The following RBPJ variants were observed in gnomAD, a reference collection of about 807,000 sequenced individuals.
The protein encoded by RBPJ is recombining binding protein suppressor of hairless.
A neutral mutation model predicts 67.8 loss-of-function variants in RBPJ; 9 were observed. The ratio of observed to expected loss-of-function variants is 0.13; its 90% CI spans 0.08 to 0.23. The LOEUF (loss-of-function observed/expected upper bound fraction) is 0.23, where lower values mean the gene tolerates loss of function less well. RBPJ is among the 10% of genes least tolerant of loss of function. RBPJ has a pLI of 1.00. For missense variants in RBPJ, 305 were observed against 595.6 expected (o/e 0.51, Z 5.08); for synonymous variants, 198 against 203.3 (o/e 0.97, Z 0.22).
intron 1 of RBPJ, among the ~76,000 whole-genome samples, chr4:26,341,650 AAAACAAAACC>A (rs1725549251): frequency 6.6e-6 from 1 of 152,032 alleles, no homozygotes. Flanking sequence ...AAACCAAACG[AAAACAAAACC>A]AAACAAAACT....
intron 1 of RBPJ, among the ~76,000 whole-genome samples, chr4:26,189,845 A>T (rs1313529538): frequency 1.3e-5 from 2 of 152,242 alleles, no homozygotes; most frequent in African/African-American, 4.8e-5. Context: ...ATCATTAATT[A>T]GCCTGTAGGG....
intron 1 of RBPJ, among the ~76,000 whole-genome samples, chr4:26,232,088 G>A (rs549453537): frequency 6.6e-6 from 1 of 151,468 alleles, no homozygotes; most frequent in African/African-American, 2.4e-5. Flanking sequence ...TAGAGACGGG[G>A]TTTCACCATG....
chr4:26,234,512 G>A (rs1448531400), intron 1 of RBPJ, among the ~76,000 whole-genome samples: 2 of 152,066 alleles, frequency 1.3e-5, no homozygotes, highest in African/African-American at 4.8e-5. Flanking sequence ...TTCTTACCTT[G>A]TTCAAGTCTT....
At chr4:26,351,432 G>A (rs1461215795) in intron 1 of RBPJ, among the ~76,000 whole-genome samples, 1 of 152,100 alleles carries the variant, frequency 6.6e-6, no homozygotes, top group Admixed American at 6.5e-5. Flanking sequence ...ACTGGGTCTT[G>A]CCCTGTCGCC....
intron 1 of RBPJ, among the ~76,000 whole-genome samples, chr4:26,216,892 TC>T (rs1269060569): frequency 1.3e-5 from 2 of 152,098 alleles, no homozygotes; most frequent in East Asian, 3.9e-4. Context: ...ACCACTGCAC[TC>T]CAGCCTGGGC....
intron 1 of RBPJ, among the ~76,000 whole-genome samples, chr4:26,163,841 A>T (rs537286823): frequency 6.6e-6 from 1 of 152,386 alleles, no homozygotes; most frequent in African/African-American, 2.4e-5. Context: ...GATCCGGCCT[A>T]GGCTGCAAAA....
rs1385856723 is a variant in RBPJ at position 26,406,223 on chromosome 4, T to C, written c.108T>C (p.Leu36=). Residue 36 remains leucine, a synonymous_variant, in exon 3 of 11, where the codon CTT becomes CTC. Transcript: ENST00000355476. ...YLKERGDQTV[L]ILHAKVAQKS... ...AAGAGCGAGGGGATCAAACAGTACTTATTCTTCATGCAAAAGTTGCACAGA... is the reference window on the plus strand; with the variant it reads ...AAGAGCGAGGGGATCAAACAGTACTCATTCTTCATGCAAAAGTTGCACAGA... 1 of 1,612,906 alleles carries C rather than the reference T, an allele frequency of 6.2e-7. No homozygotes were observed. The highest frequency in any genetic ancestry group is 8.5e-7 in the Non-Finnish European group (1 of 1,179,328).
intron 1 of RBPJ, among the ~76,000 whole-genome samples, chr4:26,278,026 A>G (rs775953975): frequency 5.3e-5 from 8 of 152,138 alleles, no homozygotes; most frequent in Non-Finnish European, 7.3e-5. Flanking sequence ...CTGAATATTT[A>G]TTGAGCACCT....
intron 1 of RBPJ, among the ~76,000 whole-genome samples, chr4:26,294,365 G>A (rs1214682573): frequency 1.3e-5 from 2 of 152,166 alleles, no homozygotes; most frequent in Non-Finnish European, 2.9e-5. Context: ...CCAAAGTGCT[G>A]GGAATACAGG....
intron 1 of RBPJ, among the ~76,000 whole-genome samples, chr4:26,354,553 G>A (rs112765018): frequency 0.019 from 2,762 of 147,682 alleles, 92 homozygotes; most frequent in African/African-American, 0.065. Flanking sequence ...GGGTTCAACC[G>A]ATTCTCCTGC....
intron 1 of RBPJ, among the ~76,000 whole-genome samples, chr4:26,231,197 G>T (rs73114507): frequency 1.3e-5 from 2 of 152,282 alleles, no homozygotes; most frequent in East Asian, 1.9e-4. Flanking sequence ...TAGGAGAAAG[G>T]CTAGAGCCTC....
At position 26,340,672 on chromosome 4, in the gene RBPJ, A is replaced by T. The variant is rs193265453; in HGVS notation, c.20+19624A>T. Among the ~76,000 whole-genome samples, 585 of 152,198 alleles carry T rather than the reference A, an allele frequency of 3.8e-3. 1 individual carries two copies. Among genetic ancestry groups the T allele is most frequent in the Non-Finnish European group, 5.1e-3 (350 of 68,004 alleles). On this transcript the variant is annotated intron_variant, in intron 1 of 10. Coordinates refer to ENST00000355476, the MANE Select transcript of RBPJ (RefSeq NM_015874.6). Reference sequence around the variant, plus strand: ...CAGAGGACTGAGACCATCTTGGCCAACATGGTGAAACCCCGTCTCTACTAA... The same window carrying T: ...CAGAGGACTGAGACCATCTTGGCCATCATGGTGAAACCCCGTCTCTACTAA...
At chr4:26,235,799 G>C (rs1309017758) in intron 1 of RBPJ, among the ~76,000 whole-genome samples, 3 of 152,216 alleles carry the variant, frequency 2.0e-5, no homozygotes, top group African/African-American at 7.2e-5. Flanking sequence ...TGCCAGTTAG[G>C]ACTGGATCCT....
At chr4:26,156,994 G>A in the RBPJ span, among the ~76,000 whole-genome samples, 2 of 151,248 alleles carry the variant, frequency 1.3e-5, no homozygotes, top group African/African-American at 4.9e-5. Context: ...AGGATCACCT[G>A]AGCCCAGGGA....
At chr4:26,193,112 C>T (rs940891003) in intron 1 of RBPJ, among the ~76,000 whole-genome samples, 2 of 152,188 alleles carry the variant, frequency 1.3e-5, no homozygotes, top group Admixed American at 6.5e-5. Flanking sequence ...TGCAGCCCTG[C>T]TGACGTGGCA....
rs1491544481 is a variant in RBPJ, at chr4:26,244,184, T to TACAC, written c.-167+80571_-167+80572insCACA. Among the ~76,000 whole-genome samples, 841 of 149,040 alleles carry TACAC rather than the reference T, an allele frequency of 5.6e-3. 62 individuals carry two copies. The highest frequency in any genetic ancestry group is 0.014 in the Middle Eastern group (4 of 278). ...ATATATATATGTATACACATATATG[T>TACAC]ATACATATATGTGTCTATATATGTA... On this transcript the variant is annotated intron_variant, in intron 1 of 4. Coordinates refer to the RBPJ transcript ENST00000512351.
intron 2 of RBPJ, among the ~76,000 whole-genome samples, chr4:26,395,305 C>A (rs1732004228): frequency 6.6e-6 from 1 of 152,014 alleles, no homozygotes; most frequent in Non-Finnish European, 1.5e-5. Flanking sequence ...AAAGAATTAG[C>A]TAGATGTGGT....
chr4:26,419,846 T>C (rs1734951535), intron 4 of RBPJ, among the ~76,000 whole-genome samples: 1 of 152,190 alleles, frequency 6.6e-6, no homozygotes, highest in Non-Finnish European at 1.5e-5. Context: ...TTATCAGAAT[T>C]TAAATTCTGG....
At chr4:26,128,885 C>A in the RBPJ span, among the ~76,000 whole-genome samples, 1 of 152,202 alleles carries the variant, frequency 6.6e-6, no homozygotes, top group African/African-American at 2.4e-5. Flanking sequence ...TTGCTTGGCT[C>A]TCATTTTCTC....
Sources: allele counts gnomAD v4.1 joint callset (sites outside exome capture counted in the v4.1 genomes callset), GRCh38; gene constraint gnomAD v4.1.1; transcripts MANE v1.5; gene names NCBI Gene and HGNC (gene_info 2026-07-23, HGNC 2026-07-21).